NRXN1: variants seen among roughly 807,000 people sequenced by gnomAD.
NRXN1 encodes neurexin-1.
Under a neutral mutation model 150.9 loss-of-function variants are expected in NRXN1, and 39 were observed. The observed-to-expected ratio is 0.26, with a 90% CI of 0.20 to 0.34. The LOEUF (loss-of-function observed/expected upper bound fraction) is 0.34, where lower values mean the gene tolerates loss of function less well. Among genes scored for constraint, NRXN1 ranks in the 10% least tolerant of loss-of-function variants. The probability of loss-of-function intolerance (pLI) is 1.00; values close to 1 mark genes in which losing one functional copy is unlikely to be tolerated. For missense variants in NRXN1, 1,815 were observed against 1,949.9 expected, an observed-to-expected ratio of 0.93 and a Z score of 1.30; for synonymous variants, 924 against 757.0, an observed-to-expected ratio of 1.22 and a Z score of -3.62.
At chr2:50,249,637 C>T (rs2066850825) in intron 17 of NRXN1, among the ~76,000 whole-genome samples, 2 of 131,510 alleles carry the variant, frequency 1.5e-5, no homozygotes, top group Admixed American at 1.6e-4. Context: ...TCATTTCTTT[C>T]CTTTCTTTTT....
chr2:50,055,174 C>G (rs1308817514), intron 19 of NRXN1, 130 bp from the exon 20 acceptor site: 2 of 580,542 alleles, frequency 3.4e-6, no homozygotes, highest in Non-Finnish European at 6.0e-6. Flanking sequence ...AAAGTTCTAC[C>G]TAGAACATTT....
chr2:50,470,961 G>C (rs2089399811), intron 16 of NRXN1, among the ~76,000 whole-genome samples: 1 of 151,732 alleles, frequency 6.6e-6, no homozygotes, highest in African/African-American at 2.4e-5. Flanking sequence ...ACTTGTTTTT[G>C]CTAAAACAGA....
chr2:49,996,106 G>C (rs1387296889), intron 21 of NRXN1, among the ~76,000 whole-genome samples: 4 of 152,126 alleles, frequency 2.6e-5, no homozygotes, highest in Non-Finnish European at 5.9e-5. Context: ...TTATGGTGTA[G>C]AAGGGGAGAA....
intron 18 of NRXN1, among the ~76,000 whole-genome samples, chr2:50,206,905 C>T (rs2062626055): frequency 6.7e-6 from 1 of 148,756 alleles, no homozygotes; most frequent in African/African-American, 2.5e-5. Context: ...CACACACACA[C>T]ATACATATAC....
chr2:50,923,527 A>C (rs1274695538), intron 3 of NRXN1: 1 of 231,504 alleles, frequency 4.3e-6, no homozygotes, highest in Non-Finnish European at 9.3e-6. Context: ...CTTCAAACTG[A>C]AGAGCACTTC....
At chr2:50,252,052 T>C (rs1246867804) in intron 17 of NRXN1, among the ~76,000 whole-genome samples, 2 of 152,030 alleles carry the variant, frequency 1.3e-5, no homozygotes, top group Non-Finnish European at 2.9e-5. Flanking sequence ...ATCCCATTTG[T>C]CAATGTTTGC....
intron 5 of NRXN1, among the ~76,000 whole-genome samples, chr2:50,674,520 G>A (rs1427057743): frequency 6.6e-6 from 1 of 152,072 alleles, no homozygotes; most frequent in Non-Finnish European, 1.5e-5. Flanking sequence ...ATGGAAAATA[G>A]AAAGGAAGCA....
chr2:50,354,408 G>T (rs1214719040), intron 17 of NRXN1, among the ~76,000 whole-genome samples: 2 of 151,650 alleles, frequency 1.3e-5, no homozygotes, highest in Non-Finnish European at 2.9e-5. Context: ...TTTAAGCTCA[G>T]TTTTCCCATC....
chr2:50,723,920 T>C (rs540995306), intron 5 of NRXN1, among the ~76,000 whole-genome samples: 1 of 152,326 alleles, frequency 6.6e-6, no homozygotes, highest in South Asian at 2.1e-4. Context: ...TATCACCAGC[T>C]TGTTAATTCA....
At chr2:50,724,739 A>T (rs922346905) in intron 5 of NRXN1, among the ~76,000 whole-genome samples, 5 of 152,156 alleles carry the variant, frequency 3.3e-5, no homozygotes, top group Non-Finnish European at 5.9e-5. Context: ...AATTGAGGTA[A>T]TTAAGAAAAA....
chr2:50,668,584 T>C (rs776710198), intron 5 of NRXN1, among the ~76,000 whole-genome samples: 8 of 152,036 alleles, frequency 5.3e-5, no homozygotes, highest in Non-Finnish European at 1.2e-4. Context: ...AGTTGTGCTG[T>C]GATATCAATA....
intron 18 of NRXN1, among the ~76,000 whole-genome samples, chr2:50,187,203 T>C (rs939765990): frequency 6.6e-6 from 1 of 152,062 alleles, no homozygotes; most frequent in South Asian, 2.1e-4. Flanking sequence ...ATTGCGATCA[T>C]GAATATTACA....
At chr2:50,856,492 G>A (rs1294724938) in intron 5 of NRXN1, among the ~76,000 whole-genome samples, 1 of 151,908 alleles carries the variant, frequency 6.6e-6, no homozygotes, top group Non-Finnish European at 1.5e-5. Flanking sequence ...GCAAGTCCAA[G>A]ACAAAAGCTT....
chr2:50,383,249 T>C (rs1239320932), intron 17 of NRXN1, among the ~76,000 whole-genome samples: 1 of 152,112 alleles, frequency 6.6e-6, no homozygotes, highest in African/African-American at 2.4e-5. Context: ...CAGTATTGAA[T>C]TGACCTAGGA....
intron 17 of NRXN1, among the ~76,000 whole-genome samples, chr2:50,326,279 A>G (rs2076378338): frequency 6.6e-6 from 1 of 152,220 alleles, no homozygotes; most frequent in Non-Finnish European, 1.5e-5. Context: ...CTATAAAACA[A>G]TTTCAGCAAC....
chr2:50,473,221 G>C (rs982527039), intron 15 of NRXN1, among the ~76,000 whole-genome samples: 14 of 151,542 alleles, frequency 9.2e-5, no homozygotes, highest in African/African-American at 2.9e-4. Flanking sequence ...TCAATTTTTA[G>C]GCTGCTCTGA....
intron 19 of NRXN1, among the ~76,000 whole-genome samples, chr2:50,087,843 T>G (rs909728334): frequency 2.6e-5 from 4 of 152,182 alleles, no homozygotes; most frequent in African/African-American, 9.6e-5. Flanking sequence ...GTACCATTGG[T>G]CAATGCTTTG....
chr2:50,138,751 A>C (rs774080714), intron 18 of NRXN1, among the ~76,000 whole-genome samples: 20 of 152,196 alleles, frequency 1.3e-4, no homozygotes, highest in Non-Finnish European at 2.5e-4. Context: ...TTAGTCTTGA[A>C]GCCATCTTAT....
intron 17 of NRXN1, among the ~76,000 whole-genome samples, chr2:50,277,655 T>C (rs2070739505): frequency 6.6e-6 from 1 of 152,074 alleles, no homozygotes; most frequent in Admixed American, 6.6e-5. Flanking sequence ...AGATGAACTA[T>C]TTTAGAAAAA....
Sources: allele counts gnomAD v4.1 joint callset (sites outside exome capture counted in the v4.1 genomes callset), GRCh38; gene constraint gnomAD v4.1.1; transcripts MANE v1.5; gene names NCBI Gene and HGNC (gene_info 2026-07-23, HGNC 2026-07-21).